PYHIN1: variants seen among roughly 807,000 people sequenced by gnomAD.
PYHIN1 encodes pyrin and HIN domain-containing protein 1.
In PYHIN1, 32 loss-of-function variants were observed where a neutral mutation model predicts 43.7. The observed-to-expected ratio is 0.73, with a 90% CI of 0.55 to 0.98. The LOEUF (loss-of-function observed/expected upper bound fraction) is 0.98. Among genes scored for constraint, PYHIN1 ranks in the 50% least tolerant of loss-of-function variants. PYHIN1 has a pLI of 0.00. For synonymous variants in PYHIN1, 205 were observed against 203.1 expected (o/e 1.01, Z -0.08); for missense variants, 588 against 589.5 (o/e 1.00, Z 0.03).
At chr1:158,985,095 G>C in the PYHIN1 span, among the ~76,000 whole-genome samples, 5 of 152,078 alleles carry the variant, frequency 3.3e-5, no homozygotes, top group African/African-American at 7.2e-5. Context: ...ATTGAGTCTT[G>C]CTTCTTTATC....
rs144419133 is a variant in PYHIN1 at position 158,937,838 on chromosome 1, C to T, written c.266-559C>T. ...GCAGGCACCTGTAGTCCCAGCTACTCGGAGGCTGAGGCAGGAGAATGGCGT... is the reference window on the plus strand; with the variant it reads ...GCAGGCACCTGTAGTCCCAGCTACTTGGAGGCTGAGGCAGGAGAATGGCGT... On this transcript the variant is annotated intron_variant, in intron 2 of 8. Coordinates refer to ENST00000368140, the MANE Select transcript of PYHIN1 (RefSeq NM_152501.5). Among the ~76,000 whole-genome samples the T allele has an allele frequency of 7.5e-3, 1,132 of 151,066 alleles. 13 individuals are homozygous for T. Among genetic ancestry groups the T allele is most frequent in the African/African-American group, 0.026 (1,066 of 41,176 alleles).
chr1:158,952,545 C>A (rs916448785), intron 7 of PYHIN1, among the ~76,000 whole-genome samples: 30 of 152,202 alleles, frequency 2.0e-4, no homozygotes, highest in African/African-American at 7.0e-4. Context: ...CTCCATTCAT[C>A]TTTGTTATTT....
At chr1:158,986,582 C>T in the PYHIN1 span, among the ~76,000 whole-genome samples, 1 of 152,130 alleles carries the variant, frequency 6.6e-6, no homozygotes, top group African/African-American at 2.4e-5. Context: ...GCTGCCAAGG[C>T]CATGCTGAAA....
chr1:158,986,603 C>T, the PYHIN1 span, among the ~76,000 whole-genome samples: 141 of 152,254 alleles, frequency 9.3e-4, 1 homozygote, highest in Admixed American at 1.0e-3. Context: ...GTTGGTGCAG[C>T]GAGGCAGAAA....
At chr1:158,989,629 T>C in the PYHIN1 span, among the ~76,000 whole-genome samples, 6 of 152,172 alleles carry the variant, frequency 3.9e-5, no homozygotes, top group Non-Finnish European at 8.8e-5. Context: ...ACACCAAAGA[T>C]TTCTGGCAAA....
chr1:158,933,785 G>A lies in PYHIN1; in HGVS notation c.-21+2009G>A, dbSNP rs1648318558. On this transcript the variant is annotated intron_variant, in intron 1 of 8. Transcript: ENST00000368140. This position sits in a 1 kb window ranked among gnomAD's most constrained non-coding sequence, Gnocchi z 6.3. ...TTTTCTTCCCTCCCTCCACCATGTT[G>A]GTATACTTTCTGTTTCTCTTTTCTT... Among the ~76,000 whole-genome samples, 1 of 151,750 alleles carries A rather than the reference G, an allele frequency of 6.6e-6. No homozygotes were observed. The highest frequency in any genetic ancestry group is 1.5e-5 in the Non-Finnish European group (1 of 67,890).
At chr1:158,985,366 G>A in the PYHIN1 span, among the ~76,000 whole-genome samples, 36,172 of 151,938 alleles carry the variant, frequency 0.24, 4,873 homozygotes, top group Middle Eastern at 0.36. Flanking sequence ...AATTCGCTTA[G>A]TGTTTGTTTG....
intron 7 of PYHIN1, among the ~76,000 whole-genome samples, chr1:158,973,145 A>G (rs1651033259): frequency 6.6e-6 from 1 of 152,056 alleles, no homozygotes; most frequent in Non-Finnish European, 1.5e-5. Flanking sequence ...CAAGATCCAC[A>G]CTGACCCAGC....
chr1:158,944,976 A>G lies in PYHIN1; in HGVS notation c.1293A>G (p.Leu431=). Residue 431 remains leucine, a synonymous_variant, in exon 7 of 9, where the codon CTA becomes CTG. Coordinates refer to ENST00000368140, the MANE Select transcript of PYHIN1 (RefSeq NM_152501.5). ...AACCTTCAGAGGCCAGCACAACCCT[A>G]CCTGAAAGCCATCTCAAGACTCCTC... The part of the protein sequence containing the change: ...HPKPSEASTT[L]PESHLKTPQM... 1.2e-6 allele frequency: 2 copies of G among 1,613,926 alleles called. No individual in the cohort carries two copies. The highest frequency in any genetic ancestry group is 1.7e-6 in the Non-Finnish European group (2 of 1,179,880).
chr1:158,958,872 C>T (rs1220542156), intron 7 of PYHIN1, among the ~76,000 whole-genome samples: 1 of 150,100 alleles, frequency 6.7e-6, no homozygotes, highest in Non-Finnish European at 1.5e-5. Flanking sequence ...TTATGGGTAA[C>T]AACAGTTTGC....
chr1:158,965,702 T>C (rs571589347), intron 7 of PYHIN1, among the ~76,000 whole-genome samples: 129 of 152,068 alleles, frequency 8.5e-4, no homozygotes, highest in African/African-American at 3.0e-3. Flanking sequence ...AGAACAAAGA[T>C]AAAATACATC....
chr1:158,975,978 T>A (rs1361434625), intron 8 of PYHIN1, among the ~76,000 whole-genome samples: 2 of 152,122 alleles, frequency 1.3e-5, no homozygotes, highest in African/African-American at 4.8e-5. Context: ...CATTCAATTA[T>A]TTGTGGTACA....
chr1:158,941,588 G>A (rs191503418), intron 4 of PYHIN1, among the ~76,000 whole-genome samples: 9 of 152,216 alleles, frequency 5.9e-5, no homozygotes, highest in Admixed American at 3.3e-4. Flanking sequence ...CATTTTCAGC[G>A]CTATTCAATT....
chr1:158,985,654 T>A, the PYHIN1 span, among the ~76,000 whole-genome samples: 1 of 152,168 alleles, frequency 6.6e-6, no homozygotes, highest in African/African-American at 2.4e-5. Context: ...TTGTGTAATA[T>A]CTTGCTGGGG....
chr1:158,983,554 G>T, the PYHIN1 span, among the ~76,000 whole-genome samples: 3 of 150,814 alleles, frequency 2.0e-5, no homozygotes, highest in Admixed American at 6.6e-5. Flanking sequence ...ATTTTTTTTT[G>T]AGGACTTTTG....
intron 7 of PYHIN1, among the ~76,000 whole-genome samples, chr1:158,950,013 T>A (rs1649445481): frequency 6.6e-6 from 1 of 152,192 alleles, no homozygotes; most frequent in South Asian, 2.1e-4. Context: ...ATATGTAGTG[T>A]TATCTGGCAC....
chr1:158,956,541 C>T (rs991081030), intron 7 of PYHIN1, among the ~76,000 whole-genome samples: 1 of 151,392 alleles, frequency 6.6e-6, no homozygotes, highest in African/African-American at 2.4e-5. Flanking sequence ...AAGCCTTTGA[C>T]AAAATTCAAC....
At chr1:158,953,699 C>G (rs1486186111) in intron 7 of PYHIN1, among the ~76,000 whole-genome samples, 1 of 152,200 alleles carries the variant, frequency 6.6e-6, no homozygotes, top group South Asian at 2.1e-4. Context: ...AGTGCCTCTC[C>G]TCCTCCAAAG....
chr1:158,946,976 G>T (rs1364792900), intron 7 of PYHIN1, among the ~76,000 whole-genome samples: 1 of 152,138 alleles, frequency 6.6e-6, no homozygotes, highest in Non-Finnish European at 1.5e-5. Context: ...CTGCAGTGAA[G>T]AACTCATTTC....
Sources: allele counts gnomAD v4.1 joint callset (sites outside exome capture counted in the v4.1 genomes callset), GRCh38; gene constraint gnomAD v4.1.1; non-coding constraint Gnocchi (gnomAD v3.1); transcripts MANE v1.5; gene names NCBI Gene and HGNC (gene_info 2026-07-23, HGNC 2026-07-21).